Variants in TNFRSF11B observed in about 807,000 individuals in gnomAD.
TNFRSF11B encodes TNF receptor superfamily member 11b, also known as tumor necrosis factor receptor superfamily member 11B.
TNFRSF11B carries 16 observed loss-of-function variants against 43.4 expected under a neutral mutation model. The observed-to-expected ratio is 0.37, with a 90% CI of 0.25 to 0.56. The LOEUF (loss-of-function observed/expected upper bound fraction) is 0.56. Ranked by LOEUF, TNFRSF11B falls within the 20% of genes least tolerant of loss-of-function variation. The probability of loss-of-function intolerance (pLI) is 0.80; values close to 1 mark genes in which losing one functional copy is unlikely to be tolerated. For missense variants in TNFRSF11B, 444 were observed against 490.1 expected, an observed-to-expected ratio of 0.91 and a Z score of 0.89; for synonymous variants, 185 against 181.8, an observed-to-expected ratio of 1.02 and a Z score of -0.14.
intron 1 of TNFRSF11B, among the ~76,000 whole-genome samples, chr8:118,935,480 T>C (rs981974011): frequency 1.3e-5 from 2 of 152,168 alleles, no homozygotes; most frequent in African/African-American, 4.8e-5. Flanking sequence ...TAATTACAAA[T>C]AATGATCAAA....
intron 4 of TNFRSF11B, among the ~76,000 whole-genome samples, chr8:118,925,534 A>G (rs537258519): frequency 3.3e-4 from 50 of 152,348 alleles, no homozygotes; most frequent in Non-Finnish European, 5.7e-4. Context: ...TGCTCAAAAC[A>G]TAAAAGTTTA....
intron 1 of TNFRSF11B, among the ~76,000 whole-genome samples, chr8:118,948,792 C>CAAACA (rs1554618607): frequency 5.3e-5 from 8 of 150,020 alleles, no homozygotes; most frequent in Non-Finnish European, 1.2e-4. Flanking sequence ...AACAAACAAA[C>CAAACA]AAAAAAAAAC....
chr8:118,929,150 A>C, intron 2 of TNFRSF11B: 1 of 569,656 alleles, frequency 1.8e-6, no homozygotes, highest in East Asian at 3.0e-5. Context: ...AATGCAAGTC[A>C]ATTTTCTCGT....
rs938930640 is a variant in TNFRSF11B at position 118,951,875 on chromosome 8, G to C, written c.-54C>G. 2.6e-6 allele frequency: 4 copies of C among 1,515,978 alleles called. No individual in the cohort carries two copies. Among genetic ancestry groups the C allele is most frequent in the East Asian group, 4.8e-5 (2 of 41,344 alleles). The allele number at this position is 1,515,978 out of a possible 1,614,324, so 93.9% of individuals were successfully genotyped here. A position where few individuals can be genotyped will look rare whatever the true frequency, so the allele number is the denominator to read the frequency against. On this transcript the variant is annotated 5_prime_UTR_variant, in exon 1 of 5. Transcript: ENST00000297350. The stretch of plus-strand genomic sequence containing the variant: ...GAGGCGGCGGCTGGGCGAGCGCTCC[G>C]GTGCGTCTCCGCAGCCCGTGCGCTC...
At chr8:118,938,938 C>A (rs1321354937) in intron 1 of TNFRSF11B, among the ~76,000 whole-genome samples, 1 of 152,174 alleles carries the variant, frequency 6.6e-6, no homozygotes, top group Non-Finnish European at 1.5e-5. Context: ...TATGGAAATT[C>A]ATTAAAAGAA....
intron 2 of TNFRSF11B, among the ~76,000 whole-genome samples, chr8:118,929,463 A>G (rs908481013): frequency 6.6e-6 from 1 of 152,238 alleles, no homozygotes; most frequent in Non-Finnish European, 1.5e-5. Flanking sequence ...TTACAACATT[A>G]TAATAAACTT....
At chr8:118,939,019 C>G (rs986824856) in intron 1 of TNFRSF11B, among the ~76,000 whole-genome samples, 9 of 152,256 alleles carry the variant, frequency 5.9e-5, no homozygotes, top group African/African-American at 2.2e-4. Flanking sequence ...TGATCTTTGC[C>G]ACAAAGAACT....
At chr8:118,928,011 A>AGTGT (rs1812269835) in intron 3 of TNFRSF11B, among the ~76,000 whole-genome samples, 2 of 135,248 alleles carry the variant, frequency 1.5e-5, no homozygotes, top group African/African-American at 5.5e-5. Context: ...ACACATTTCT[A>AGTGT]ATGTGTGTGT....
At chr8:118,943,138 T>A (rs1041060374) in intron 1 of TNFRSF11B, among the ~76,000 whole-genome samples, 1 of 152,180 alleles carries the variant, frequency 6.6e-6, no homozygotes, top group East Asian at 1.9e-4. Flanking sequence ...CTCAGTAATT[T>A]GCTCCCTTGA....
chr8:118,943,374 T>C (rs1812515176), intron 1 of TNFRSF11B, among the ~76,000 whole-genome samples: 1 of 152,094 alleles, frequency 6.6e-6, no homozygotes, highest in Non-Finnish European at 1.5e-5. Flanking sequence ...ATGAGAAGTA[T>C]ACTAAAATCA....
At chr8:118,934,620 G>C (rs1269818306) in intron 1 of TNFRSF11B, among the ~76,000 whole-genome samples, 1 of 152,170 alleles carries the variant, frequency 6.6e-6, no homozygotes, top group African/African-American at 2.4e-5. Flanking sequence ...GAGCACTGAA[G>C]TAGTTCTTCA....
intron 2 of TNFRSF11B, among the ~76,000 whole-genome samples, 177 bp downstream of exon 2, chr8:118,932,754 C>T (rs560644826): frequency 6.6e-6 from 1 of 151,992 alleles, no homozygotes; most frequent in South Asian, 2.1e-4. Flanking sequence ...GCAAAGTATT[C>T]CTCTGAGCAA....
intron 3 of TNFRSF11B, among the ~76,000 whole-genome samples, chr8:118,927,026 C>T (rs6469783): frequency 0.22 from 33,314 of 152,050 alleles, 5,584 homozygotes; most frequent in African/African-American, 0.47. Context: ...TGAATACAAA[C>T]ATTAACATTC....
chr8:118,928,475 C>T (rs1812277699), intron 3 of TNFRSF11B, among the ~76,000 whole-genome samples: 1 of 152,210 alleles, frequency 6.6e-6, no homozygotes, highest in Non-Finnish European at 1.5e-5. Context: ...TGACACTGCC[C>T]TTTGCCTATG....
chr8:118,932,257 A>G (rs2062375955), intron 2 of TNFRSF11B, among the ~76,000 whole-genome samples: 1 of 152,214 alleles, frequency 6.6e-6, no homozygotes. Context: ...AGCCCTGACC[A>G]ATGCTGTTCA....
In TNFRSF11B at chr8:118,932,923, A is replaced by C. The variant is rs781271789; in HGVS notation, c.400+8T>G. 23 of 1,613,968 alleles carry C rather than the reference A, an allele frequency of 1.4e-5. 1 individual carries two copies. In the South Asian group the frequency reaches 2.5e-4, roughly 18 times the overall value. ...TCCTAATTAATTTTGCTGCACATTG[A>C]CACGTACCAGCTTGCACCACTCCAA... On this transcript the variant is annotated splice_region_variant and intron_variant, in intron 2 of 4. Transcript: ENST00000297350.
At chr8:118,945,365 C>T (rs1463171650) in intron 1 of TNFRSF11B, among the ~76,000 whole-genome samples, 1 of 152,040 alleles carries the variant, frequency 6.6e-6, no homozygotes, top group Non-Finnish European at 1.5e-5. Flanking sequence ...TTTAGAGATG[C>T]TGGAAGTAAG....
chr8:118,924,697 G>C lies in TNFRSF11B; in HGVS notation c.883C>G (p.Leu295Val). The change falls in exon 5 of 5, where the codon CTT (leucine) becomes GTT (valine). Residue 295 changes from leucine (L) to valine (V), a missense_variant. Leu to Val is a conservative substitution (Grantham distance 32). Transcript: ENST00000297350. ...GGTAAGCTTTCCATCAAGCTACGAA[G>C]CTGCTCGAAGGTGAGGTTAGCATGT... ...IGHANLTFEQLRSLMESLPGK... is the reference protein window; with the variant it reads ...IGHANLTFEQVRSLMESLPGK... The C allele has an allele frequency of 6.2e-7, 1 of 1,614,180 alleles. No individual in the cohort carries two copies.
At position 118,951,849 on chromosome 8, in the gene TNFRSF11B, G is replaced by A; in HGVS notation, c.-28C>T. On this transcript the variant is annotated 5_prime_UTR_variant, in exon 1 of 5. Transcript: ENST00000297350. ...TGGTCCCCGGAAACCTCAGGGGCTTGGAGGCGGCGGCTGGGCGAGCGCTCC... is the reference window on the plus strand; with the variant it reads ...TGGTCCCCGGAAACCTCAGGGGCTTAGAGGCGGCGGCTGGGCGAGCGCTCC... 1.9e-6 allele frequency: 3 copies of A among 1,576,268 alleles called. No homozygotes were observed. The highest frequency in any genetic ancestry group is 2.6e-6 in the Non-Finnish European group (3 of 1,160,592).
Sources: gnomAD v4.1 joint callset for allele counts (sites outside exome capture counted in the v4.1 genomes callset) on GRCh38, gnomAD v4.1.1 for gene constraint, MANE v1.5 for transcripts, NCBI Gene and HGNC (gene_info 2026-07-23, HGNC 2026-07-21) for gene names.